The following CFAP52 variants were observed in gnomAD, a reference collection of about 807,000 sequenced individuals.
CFAP52 encodes the protein cilia- and flagella-associated protein 52.
In CFAP52, 57 loss-of-function variants were observed where a neutral mutation model predicts 70.5. The ratio of observed to expected loss-of-function variants is 0.81; its 90% CI spans 0.65 to 1.01. CFAP52 has a LOEUF of 1.01. Among genes scored for constraint, CFAP52 ranks in the 50% least tolerant of loss-of-function variants. The probability of loss-of-function intolerance (pLI) is 0.00; values close to 1 mark genes in which losing one functional copy is unlikely to be tolerated. For synonymous variants in CFAP52, 267 were observed against 292.5 expected, an observed-to-expected ratio of 0.91 and a Z score of 0.89; for missense variants, 785 against 788.5, an observed-to-expected ratio of 1.00 and a Z score of 0.05.
intron 13 of CFAP52, 95 bp downstream of exon 13, chr17:9,641,930 A>C (rs1911083370): frequency 8.1e-6 from 8 of 989,314 alleles, no homozygotes; most frequent in Non-Finnish European, 1.2e-5. Context: ...AAGACAACAA[A>C]AGGGTCTCAA....
chr17:9,588,658 TC>T (rs1200478949), intron 3 of CFAP52, among the ~76,000 whole-genome samples: 1 of 152,202 alleles, frequency 6.6e-6, no homozygotes, highest in Non-Finnish European at 1.5e-5. Context: ...GGAAAGGCTT[TC>T]AATTTCACCC....
At chr17:9,614,820 G>A (rs889761930) in intron 8 of CFAP52, among the ~76,000 whole-genome samples, 1 of 152,110 alleles carries the variant, frequency 6.6e-6, no homozygotes, top group Admixed American at 6.6e-5. Flanking sequence ...ACCAAAAAAT[G>A]TCCCCAGACC....
chr17:9,596,078 T>C (rs1242991594), intron 4 of CFAP52, among the ~76,000 whole-genome samples: 1 of 138,170 alleles, frequency 7.2e-6, no homozygotes, highest in Non-Finnish European at 1.6e-5. Context: ...TATATATATA[T>C]ATATATATAT....
In CFAP52 at chr17:9,600,119, T is replaced by C; in HGVS notation, c.689T>C (p.Leu230Pro). ...FYLGTTTGDILKMNPRTKLLT... is the reference protein window; with the variant it reads ...FYLGTTTGDIPKMNPRTKLLT... ...CTTGGCACCACGACTGGAGATATTCTAAAAATGAACCCCAGGACTAAACTG... is the reference window on the plus strand; with the variant it reads ...CTTGGCACCACGACTGGAGATATTCCAAAAATGAACCCCAGGACTAAACTG... Residue 230 changes from leucine (L) to proline (P), a missense_variant, in exon 6 of 14, where the codon CTA becomes CCA. Coordinates refer to ENST00000352665, the MANE Select transcript of CFAP52 (RefSeq NM_145054.5). 1 of 1,614,084 alleles carries C rather than the reference T, an allele frequency of 6.2e-7. No homozygotes were observed. Among genetic ancestry groups the C allele is most frequent in the Non-Finnish European group, 8.5e-7 (1 of 1,179,992 alleles).
chr17:9,641,310 C>T (rs1417940750), intron 12 of CFAP52, among the ~76,000 whole-genome samples: 1 of 152,142 alleles, frequency 6.6e-6, no homozygotes, highest in East Asian at 1.9e-4. Flanking sequence ...GCCTGTACAG[C>T]CCAGTCTCTA....
At chr17:9,579,337 G>C (rs1908110494) in intron 1 of CFAP52, among the ~76,000 whole-genome samples, 1 of 152,134 alleles carries the variant, frequency 6.6e-6, no homozygotes, top group African/African-American at 2.4e-5. Flanking sequence ...GGGGGGCAGA[G>C]GAGGAAAAGT....
chr17:9,597,973 G>T (rs569723597), intron 4 of CFAP52, among the ~76,000 whole-genome samples: 174 of 152,218 alleles, frequency 1.1e-3, no homozygotes, highest in African/African-American at 4.0e-3. Context: ...TGGGTAGTGT[G>T]CACTTCAGAG....
At chr17:9,639,712 C>A (rs918725395) in intron 12 of CFAP52, among the ~76,000 whole-genome samples, 2 of 151,638 alleles carry the variant, frequency 1.3e-5, no homozygotes, top group East Asian at 3.9e-4. Context: ...TACTGGCGGG[C>A]GGGGGAAAGC....
chr17:9,579,916 CA>C (rs1398853580), intron 1 of CFAP52, among the ~76,000 whole-genome samples: 1 of 152,162 alleles, frequency 6.6e-6, no homozygotes, highest in Non-Finnish European at 1.5e-5. Flanking sequence ...CTGTACTTGA[CA>C]CTTGTAGGTA....
intron 10 of CFAP52, 31 bp downstream of exon 10, chr17:9,633,064 G>A (rs576949574): frequency 8.7e-6 from 14 of 1,607,940 alleles, no homozygotes; most frequent in East Asian, 2.2e-5. Flanking sequence ...AAAAAATAAC[G>A]CTCTGTTTAG....
chr17:9,595,628 A>G (rs2151933581), intron 4 of CFAP52, among the ~76,000 whole-genome samples: 1 of 152,116 alleles, frequency 6.6e-6, no homozygotes, highest in South Asian at 2.1e-4. Flanking sequence ...TTTCTTCAGG[A>G]CTCAATACTT....
At chr17:9,611,162 A>T (rs1909697336) in intron 7 of CFAP52, among the ~76,000 whole-genome samples, 1 of 152,220 alleles carries the variant, frequency 6.6e-6, no homozygotes, top group Admixed American at 6.5e-5. Flanking sequence ...TTCTTGCACA[A>T]GAACCTGCGT....
intron 1 of CFAP52, among the ~76,000 whole-genome samples, chr17:9,577,239 A>G (rs11656540): frequency 0.67 from 102,337 of 152,052 alleles, 37,597 homozygotes; most frequent in East Asian, 0.99. Context: ...GCTGGGAGGG[A>G]ACGTGTGTTT....
intron 12 of CFAP52, 171 bp downstream of exon 12, chr17:9,638,882 T>G: frequency 1.6e-6 from 1 of 615,580 alleles, no homozygotes; most frequent in Non-Finnish European, 2.9e-6. Flanking sequence ...GTGTCTTCAC[T>G]TCCCCACCTG....
intron 1 of CFAP52, among the ~76,000 whole-genome samples, chr17:9,582,371 A>C (rs1908263822): frequency 6.6e-6 from 1 of 152,098 alleles, no homozygotes; most frequent in South Asian, 2.1e-4. Context: ...ATGGTATCTC[A>C]TTTCGGACAT....
intron 10 of CFAP52, 73 bp from the exon 11 acceptor site, chr17:9,635,332 G>C (rs418706): frequency 1.0e-5 from 16 of 1,574,366 alleles, no homozygotes; most frequent in African/African-American, 4.1e-5. Context: ...AGGGGAAAAA[G>C]CTCTTGGAAT....
At chr17:9,592,658 G>A (rs1908817076) in intron 3 of CFAP52, among the ~76,000 whole-genome samples, 1 of 152,072 alleles carries the variant, frequency 6.6e-6, no homozygotes, top group Admixed American at 6.5e-5. Flanking sequence ...TTAGCGTAAT[G>A]TTTTCAAAGT....
intron 1 of CFAP52, among the ~76,000 whole-genome samples, chr17:9,585,227 A>G (rs765637945): frequency 4.2e-4 from 64 of 152,168 alleles, no homozygotes; most frequent in Non-Finnish European, 8.2e-4. Context: ...CCCTTCTCAG[A>G]CCTGAAATCA....
At chr17:9,632,782 C>A in intron 9 of CFAP52, 106 bp from the exon 10 acceptor site, 1 of 1,487,642 alleles carries the variant, frequency 6.7e-7, no homozygotes, top group Non-Finnish European at 9.0e-7. Context: ...TTTCCTCCAG[C>A]ACAGCACCAC....
Sources: allele counts gnomAD v4.1 joint callset (sites outside exome capture counted in the v4.1 genomes callset), GRCh38; gene constraint gnomAD v4.1.1; transcripts MANE v1.5; gene names NCBI Gene and HGNC (gene_info 2026-07-23, HGNC 2026-07-21).